Variants in ACOT7 observed in about 807,000 individuals in gnomAD.
ACOT7 encodes the protein cytosolic acyl coenzyme A thioester hydrolase.
ACOT7 carries 12 observed loss-of-function variants against 40.2 expected under a neutral mutation model. That is an observed-to-expected ratio of 0.30 (90% CI 0.19 to 0.48). ACOT7 has a LOEUF of 0.48. Ranked by LOEUF, ACOT7 falls within the 20% of genes least tolerant of loss-of-function variation. ACOT7 has a pLI of 0.99. For synonymous variants in ACOT7, 228 were observed against 219.5 expected (o/e 1.04, Z -0.34); for missense variants, 395 against 530.8 (o/e 0.74, Z 2.51).
chr1:6,271,722 G>A (rs1639041212), intron 8 of ACOT7, among the ~76,000 whole-genome samples: 1 of 152,226 alleles, frequency 6.6e-6, no homozygotes, highest in African/African-American at 2.4e-5. Flanking sequence ...CCAGCAGAAA[G>A]CAGCCGGAAG....
Position 6,339,875 on chromosome 1 carries a change from G to T in ACOT7, c.262-286C>A, listed in dbSNP as rs1021548891. ...CTGCCTCAGCCTCCCGAGTAGCTAG[G>T]ACTACAGGCGCCCGCTGGGACTACA... On this transcript the variant is annotated intron_variant, in intron 2 of 8. Coordinates refer to ENST00000361521, the MANE Select transcript of ACOT7 (RefSeq NM_007274.4). Among the ~76,000 whole-genome samples the T allele has an allele frequency of 2.9e-4, 44 of 150,850 alleles. 1 individual carries two copies. Among genetic ancestry groups the T allele is most frequent in the Non-Finnish European group, 5.2e-4 (35 of 67,900 alleles).
At chr1:6,272,041 T>C (rs2148367106) in intron 8 of ACOT7, among the ~76,000 whole-genome samples, 1 of 152,334 alleles carries the variant, frequency 6.6e-6, no homozygotes, top group South Asian at 2.1e-4. Flanking sequence ...GTCCCCACCC[T>C]ACAACACCAA....
chr1:6,320,161 G>A (rs764726736), intron 5 of ACOT7, among the ~76,000 whole-genome samples: 16 of 152,182 alleles, frequency 1.1e-4, no homozygotes, highest in Admixed American at 2.0e-4. Context: ...CAAAACTATC[G>A]GGTTATGAAG....
chr1:6,360,523 T>A (rs1328960449), intron 1 of ACOT7: 2 of 1,608,066 alleles, frequency 1.2e-6, no homozygotes, highest in East Asian at 4.5e-5. Flanking sequence ...CACACTTCCC[T>A]CCCCTGACCC....
chr1:6,336,332 T>TAAAAA (rs1641100808), intron 3 of ACOT7, among the ~76,000 whole-genome samples: 1 of 52,348 alleles, frequency 1.9e-5, no homozygotes, highest in Non-Finnish European at 3.3e-5. Flanking sequence ...AGACTCGGTC[T>TAAAAA]CAAAAAAAAA....
At chr1:6,317,728 CTT>C (rs988852778) in intron 6 of ACOT7, among the ~76,000 whole-genome samples, 17 of 135,830 alleles carry the variant, frequency 1.3e-4, no homozygotes, top group African/African-American at 2.5e-4. Context: ...CAGAGTCTTT[CTT>C]TTTTTTTTTT....
intron 2 of ACOT7, among the ~76,000 whole-genome samples, chr1:6,344,532 G>A (rs751289579): frequency 6.6e-6 from 1 of 152,104 alleles, no homozygotes; most frequent in Non-Finnish European, 1.5e-5. Flanking sequence ...TTAGGAGGCC[G>A]AGGCAGGTGG....
intron 1 of ACOT7, among the ~76,000 whole-genome samples, chr1:6,369,186 G>A (rs1278658347): frequency 6.6e-6 from 1 of 151,736 alleles, no homozygotes; most frequent in Admixed American, 6.6e-5. Flanking sequence ...TCACCATGTT[G>A]GCCAGGCTGG....
intron 2 of ACOT7, among the ~76,000 whole-genome samples, chr1:6,342,778 G>A (rs769421451): frequency 6.6e-6 from 1 of 152,124 alleles, no homozygotes; most frequent in African/African-American, 2.4e-5. Context: ...TCTGCATTTG[G>A]GATTATTTTC....
intron 6 of ACOT7, among the ~76,000 whole-genome samples, chr1:6,297,896 TA>T (rs1639857164): frequency 6.6e-6 from 1 of 152,194 alleles, no homozygotes; most frequent in Admixed American, 6.5e-5. Context: ...TGCTTTTGTG[TA>T]TATCTGAGCA....
At chr1:6,305,782 G>T (rs1640131722) in intron 6 of ACOT7, among the ~76,000 whole-genome samples, 2 of 152,110 alleles carry the variant, frequency 1.3e-5, no homozygotes, top group African/African-American at 4.8e-5. Flanking sequence ...CTTCCCAGAC[G>T]GGGTGGTGGC....
At chr1:6,376,498 G>C (rs1000712098) in intron 1 of ACOT7, among the ~76,000 whole-genome samples, 1 of 151,838 alleles carries the variant, frequency 6.6e-6, no homozygotes, top group Non-Finnish European at 1.5e-5. Flanking sequence ...GGAGGCTGAG[G>C]CGGGTGGATC....
At chr1:6,292,600 C>T (rs756108526) in intron 7 of ACOT7, among the ~76,000 whole-genome samples, 18 of 152,168 alleles carry the variant, frequency 1.2e-4, no homozygotes, top group Non-Finnish European at 2.5e-4. Context: ...AACCACAACA[C>T]ACCTCCTAGC....
chr1:6,372,983 A>C (rs1642160241), intron 1 of ACOT7, among the ~76,000 whole-genome samples: 1 of 152,134 alleles, frequency 6.6e-6, no homozygotes. Context: ...AGGGAGAGAG[A>C]TGGGGAAATA....
At chr1:6,302,111 C>T (rs563273346) in intron 6 of ACOT7, among the ~76,000 whole-genome samples, 27 of 152,256 alleles carry the variant, frequency 1.8e-4, no homozygotes, top group Admixed American at 4.6e-4. Flanking sequence ...TCTAAGGACC[C>T]GGAACAGTGA....
At chr1:6,390,351 C>T (rs1057191578) in intron 1 of ACOT7, among the ~76,000 whole-genome samples, 1 of 151,976 alleles carries the variant, frequency 6.6e-6, no homozygotes. Flanking sequence ...GCGGGCAGAT[C>T]ATCTAAGGTC....
At position 6,365,693 on chromosome 1, in the gene ACOT7, G is replaced by A. The variant is rs962919320; in HGVS notation, c.144-15827C>T. The stretch of plus-strand genomic sequence containing the variant: ...TGAGGCAGAAGAATGGCGTAAACCC[G>A]GGAGGCGGAGCTTGCAGTGAGCCGA... On this transcript the variant is annotated intron_variant, in intron 1 of 8. Transcript: ENST00000361521. Among the ~76,000 whole-genome samples, 6 of 151,198 alleles carry A rather than the reference G, an allele frequency of 4.0e-5. No individual in the cohort carries two copies. The East Asian group carries it at 6.0e-4, about 15-fold the overall frequency.
rs1437607239 is a variant in ACOT7 at position 6,278,499 on chromosome 1, A to C, written c.1014+2603T>G. Among the ~76,000 whole-genome samples, 1 of 152,176 alleles carries C rather than the reference A, an allele frequency of 6.6e-6. No homozygotes were observed. Among genetic ancestry groups the C allele is most frequent in the Non-Finnish European group, 1.5e-5 (1 of 68,026 alleles). On this transcript the variant is annotated intron_variant, in intron 8 of 8. Coordinates refer to ENST00000361521, the MANE Select transcript of ACOT7 (RefSeq NM_007274.4). This position sits in a 1 kb window ranked among gnomAD's most constrained non-coding sequence, Gnocchi z 4.1. ...GGCATGGGGGGAGTAGGGAGGAGCC[A>C]GCTGGGTTCCCAGACTTCCAGAGCA...
chr1:6,269,266 C>T (rs1412597167), intron 8 of ACOT7, among the ~76,000 whole-genome samples: 3 of 152,202 alleles, frequency 2.0e-5, no homozygotes, highest in African/African-American at 7.2e-5. Flanking sequence ...GGGACTCGTC[C>T]ATGGGAAGTG....
Sources: allele counts gnomAD v4.1 joint callset (sites outside exome capture counted in the v4.1 genomes callset), GRCh38; gene constraint gnomAD v4.1.1; non-coding constraint Gnocchi (gnomAD v3.1); transcripts MANE v1.5; gene names NCBI Gene and HGNC (gene_info 2026-07-23, HGNC 2026-07-21).